The following MON2 variants were observed in gnomAD, a reference collection of about 807,000 sequenced individuals.
MON2 encodes protein MON2 homolog.
Under a neutral mutation model 208.6 loss-of-function variants are expected in MON2, and 84 were observed. The observed-to-expected ratio is 0.40, with a 90% CI of 0.34 to 0.48. MON2 has a LOEUF of 0.48. Ranked by LOEUF, MON2 falls within the 20% of genes least tolerant of loss-of-function variation. The pLI, the probability that MON2 is intolerant of heterozygous loss-of-function variation, is 0.59. For missense variants in MON2, 1,611 were observed against 2,015.4 expected, an observed-to-expected ratio of 0.80 and a Z score of 3.84; for synonymous variants, 660 against 694.0, an observed-to-expected ratio of 0.95 and a Z score of 0.77.
rs1313246987 is a variant in MON2 at position 62,500,790 on chromosome 12, A to G, written c.573A>G (p.Ile191Met). Residue 191 changes from isoleucine (I) to methionine (M), a missense_variant, in exon 6 of 35, where the codon ATA becomes ATG. By Grantham distance (10) the Ile-to-Met change is conservative. Transcript: ENST00000393630. ...ATCCTGTTTTGATTGCAGATATTAT[A>G]GAACAACCAGTACTGGTACAAGGAA... ...VAEDERHRDIIEQPVLVQGNS... is the reference protein window; with the variant it reads ...VAEDERHRDIMEQPVLVQGNS... The G allele has an allele frequency of 6.4e-7, 1 of 1,571,550 alleles. No homozygotes were observed. The highest frequency in any genetic ancestry group is 8.7e-7 in the Non-Finnish European group (1 of 1,155,532).
chr12:62,514,212 A>G (rs1044636753), intron 8 of MON2, among the ~76,000 whole-genome samples: 8 of 152,230 alleles, frequency 5.3e-5, no homozygotes, highest in Admixed American at 1.3e-4. Context: ...GGAAGTTCCA[A>G]ACTTTCCCAC....
chr12:62,494,270 T>C (rs1422945643), intron 3 of MON2, among the ~76,000 whole-genome samples: 1 of 152,200 alleles, frequency 6.6e-6, no homozygotes, highest in Non-Finnish European at 1.5e-5. Flanking sequence ...TTCAGTAATG[T>C]AGATGAAAAT....
At position 62,600,115 on chromosome 12, in the gene MON2, TC is replaced by T. The variant is rs2075595054; in HGVS notation, c.*7368del. 6.6e-6 allele frequency: 1 copy of T among 152,218 alleles called. No homozygotes were observed. Among genetic ancestry groups the T allele is most frequent in the South Asian group, 2.1e-4 (1 of 4,832 alleles). 9.4% of individuals were successfully genotyped at this position (152,218 alleles called of 1,614,324 possible). A position where few individuals can be genotyped will look rare whatever the true frequency, so the allele number is the denominator to read the frequency against. On this transcript the variant is annotated 3_prime_UTR_variant, in exon 35 of 35. Coordinates refer to ENST00000393630, the MANE Select transcript of MON2 (RefSeq NM_015026.3). ...AGTTAATTAACCTGTTTTGGTGTCCTCCTCTGTGAAATGGAGTTAATCGTGG... is the reference window on the plus strand; with the variant it reads ...AGTTAATTAACCTGTTTTGGTGTCCTCTCTGTGAAATGGAGTTAATCGTGG...
At chr12:62,486,643 G>A (rs573349304) in intron 2 of MON2, among the ~76,000 whole-genome samples, 1 of 152,138 alleles carries the variant, frequency 6.6e-6, no homozygotes, top group Non-Finnish European at 1.5e-5. Context: ...GTTTAAATTA[G>A]TCAGTATATA....
intron 19 of MON2, among the ~76,000 whole-genome samples, chr12:62,542,261 C>T (rs1342619232): frequency 2.0e-5 from 3 of 152,086 alleles, no homozygotes; most frequent in African/African-American, 7.2e-5. Context: ...CACACATTTC[C>T]CTGTTAGATT....
At chr12:62,480,591 C>A (rs1330101648) in intron 1 of MON2, among the ~76,000 whole-genome samples, 1 of 152,104 alleles carries the variant, frequency 6.6e-6, no homozygotes, top group African/African-American at 2.4e-5. Context: ...CTTCCTTTTC[C>A]TTCTCCTTAT....
intron 1 of MON2, among the ~76,000 whole-genome samples, chr12:62,479,670 G>A (rs1344300146): frequency 6.6e-6 from 1 of 152,076 alleles, no homozygotes; most frequent in Admixed American, 6.6e-5. Context: ...TGTATTTAAG[G>A]CTTTGGCATT....
At chr12:62,526,491 TGGG>T (rs2072336914) in intron 11 of MON2, among the ~76,000 whole-genome samples, 2 of 152,078 alleles carry the variant, frequency 1.3e-5, no homozygotes, top group Non-Finnish European at 2.9e-5. Flanking sequence ...ATCTATACAA[TGGG>T]AGTAGTGATA....
chr12:62,474,254 G>A (rs922564650), intron 1 of MON2, among the ~76,000 whole-genome samples: 2 of 151,890 alleles, frequency 1.3e-5, no homozygotes, highest in Non-Finnish European at 2.9e-5. Flanking sequence ...GAGTAGCTGG[G>A]ATTACAGGCG....
At chr12:62,503,880 T>C (rs1206388233) in intron 7 of MON2, among the ~76,000 whole-genome samples, 1 of 152,202 alleles carries the variant, frequency 6.6e-6, no homozygotes. Flanking sequence ...TTGTGTAAAA[T>C]GGCAACCTTT....
intron 1 of MON2, among the ~76,000 whole-genome samples, chr12:62,478,623 T>C (rs2069224389): frequency 6.6e-6 from 1 of 152,246 alleles, no homozygotes; most frequent in Non-Finnish European, 1.5e-5. Flanking sequence ...ATAAAGAGTA[T>C]ATTCCTGATT....
chr12:62,524,364 TTC>T (rs1259995649), intron 8 of MON2, 149 bp from the exon 9 acceptor site: 3 of 593,990 alleles, frequency 5.1e-6, no homozygotes, highest in Non-Finnish European at 8.9e-6. Context: ...TACATTTCCT[TTC>T]TCTGTTTCTC....
At chr12:62,571,216 G>C (rs1189100968) in intron 29 of MON2, among the ~76,000 whole-genome samples, 176 bp from the exon 30 acceptor site, 1 of 152,108 alleles carries the variant, frequency 6.6e-6, no homozygotes, top group African/African-American at 2.4e-5. Context: ...GGCAGTATTT[G>C]AGGACTACGT....
intron 11 of MON2, among the ~76,000 whole-genome samples, chr12:62,530,015 T>C (rs937245171): frequency 6.6e-6 from 1 of 152,190 alleles, no homozygotes; most frequent in Non-Finnish European, 1.5e-5. Flanking sequence ...GTGTTCCAGG[T>C]ATTTAAAAAT....
chr12:62,506,107 G>A (rs1228668568), intron 7 of MON2, among the ~76,000 whole-genome samples: 1 of 152,068 alleles, frequency 6.6e-6, no homozygotes, highest in Non-Finnish European at 1.5e-5. Flanking sequence ...TTTAAGAATT[G>A]CTTAAGAATT....
chr12:62,590,112 A>G (rs988970178), intron 34 of MON2, among the ~76,000 whole-genome samples: 2 of 152,084 alleles, frequency 1.3e-5, no homozygotes, highest in African/African-American at 4.8e-5. Context: ...CTTTTTTGAG[A>G]CAGGCTCTTG....
intron 24 of MON2, 79 bp from the exon 25 acceptor site, chr12:62,555,915 T>A: frequency 9.3e-7 from 1 of 1,078,566 alleles, no homozygotes; most frequent in Non-Finnish European, 1.4e-6. Flanking sequence ...AATTTGTAGA[T>A]TCTTATGCTG....
At chr12:62,492,607 ATG>A (rs1565968337) in intron 2 of MON2, among the ~76,000 whole-genome samples, 1 of 146,552 alleles carries the variant, frequency 6.8e-6, no homozygotes, top group African/African-American at 2.5e-5. Context: ...TCCTGACCTC[ATG>A]ATCCACCCGC....
chr12:62,549,960 C>T (rs903705395), intron 23 of MON2, 130 bp downstream of exon 23: 23 of 513,284 alleles, frequency 4.5e-5, no homozygotes, highest in Non-Finnish European at 6.9e-5. Context: ...TTCAAACTTA[C>T]GTCTGGGTGA....
Sources: allele counts gnomAD v4.1 joint callset (sites outside exome capture counted in the v4.1 genomes callset), GRCh38; gene constraint gnomAD v4.1.1; transcripts MANE v1.5; gene names NCBI Gene and HGNC (gene_info 2026-07-23, HGNC 2026-07-21).